Variants in KANSL1L observed in about 807,000 individuals in gnomAD.
KANSL1L encodes the protein KAT8 regulatory NSL complex subunit 1 like.
KANSL1L carries 25 observed loss-of-function variants against 108.6 expected under a neutral mutation model. The observed-to-expected ratio is 0.23, with a 90% confidence interval of 0.17 to 0.32. The LOEUF (loss-of-function observed/expected upper bound fraction) is 0.32, where lower values mean the gene tolerates loss of function less well. Among genes scored for constraint, KANSL1L ranks in the 10% least tolerant of loss-of-function variants. KANSL1L has a pLI of 1.00. For synonymous variants in KANSL1L, 405 were observed against 395.1 expected (o/e 1.03, Z -0.30); for missense variants, 1,137 against 1,125.7 (o/e 1.01, Z -0.14).
Position 210,163,784 on chromosome 2 carries a change from C to T in KANSL1L, c.-30+7365G>A, listed in dbSNP as rs186018701. Among the ~76,000 whole-genome samples, 13 of 152,158 alleles carry T rather than the reference C, an allele frequency of 8.5e-5. No individual in the cohort carries two copies. The East Asian group carries it at 9.6e-4, about 11-fold the overall frequency. Reference sequence around the variant, plus strand: ...ATTTAAAAATTTTTACTAGAAATTACTTCATCACATATTTTCCCCAAATAG... The same window carrying T: ...ATTTAAAAATTTTTACTAGAAATTATTTCATCACATATTTTCCCCAAATAG... On this transcript the variant is annotated intron_variant, in intron 1 of 14. Transcript: ENST00000281772.
At chr2:210,168,744 A>C (rs1230440754) in intron 1 of KANSL1L, among the ~76,000 whole-genome samples, 1 of 152,124 alleles carries the variant, frequency 6.6e-6, no homozygotes, top group African/African-American at 2.4e-5. Context: ...TGAATGAAAA[A>C]GTAGTAAAAG....
At chr2:210,092,051 A>G (rs1000237077) in intron 5 of KANSL1L, among the ~76,000 whole-genome samples, 2 of 152,192 alleles carry the variant, frequency 1.3e-5, no homozygotes, top group Non-Finnish European at 2.9e-5. Context: ...CTATGTTTCA[A>G]TTAAGATTAT....
chr2:210,096,862 T>C (rs1008236553), intron 5 of KANSL1L: 13 of 706,454 alleles, frequency 1.8e-5, no homozygotes, highest in African/African-American at 1.6e-4. Context: ...ATAAATAAAA[T>C]AGTAAAAGTA....
In KANSL1L at chr2:210,107,197, T is replaced by C. The variant is rs893341853; in HGVS notation, c.1231-2896A>G. 1.9e-4 allele frequency among the ~76,000 whole-genome samples: 29 copies of C among 152,134 alleles called. 3 individuals are homozygous for C. Among genetic ancestry groups the C allele is most frequent in the Admixed American group, 1.8e-3 (28 of 15,284 alleles). ...AACTGCCTCAGCAACATCTCTATTATTCACATAAATTCACTAAAGTTAATT... is the reference window on the plus strand; with the variant it reads ...AACTGCCTCAGCAACATCTCTATTACTCACATAAATTCACTAAAGTTAATT... On this transcript the variant is annotated intron_variant, in intron 3 of 14. Coordinates refer to ENST00000281772, the MANE Select transcript of KANSL1L (RefSeq NM_152519.4).
Position 210,022,732 on chromosome 2 carries a change from A to G in KANSL1L, c.*217T>C, listed in dbSNP as rs1235618990. ...GGTGTTTGTAAGTAAGTTGCATGAT[A>G]AACACAAATGACTACCACTTGTCTG... On this transcript the variant is annotated 3_prime_UTR_variant, in exon 15 of 15. Transcript: ENST00000281772. 2 of 518,980 alleles carry G rather than the reference A, an allele frequency of 3.9e-6. No homozygotes were observed. Among genetic ancestry groups the G allele is most frequent in the African/African-American group, 3.8e-5 (2 of 52,164 alleles). 32.1% of individuals were successfully genotyped at this position (518,980 alleles called of 1,614,324 possible).
At chr2:210,046,377 T>C (rs564108750) in intron 6 of KANSL1L, among the ~76,000 whole-genome samples, 105 of 152,066 alleles carry the variant, frequency 6.9e-4, no homozygotes, top group Non-Finnish European at 9.1e-4. Flanking sequence ...CTAAATATCA[T>C]CTAAATCAGA....
chr2:210,075,411 T>C (rs1018304970), intron 6 of KANSL1L, 141 bp downstream of exon 6: 5 of 624,932 alleles, frequency 8.0e-6, no homozygotes, highest in African/African-American at 5.5e-5. Flanking sequence ...TACTATATCA[T>C]TTTTAAACTA....
intron 3 of KANSL1L, among the ~76,000 whole-genome samples, chr2:210,126,058 T>C (rs1463312384): frequency 6.6e-6 from 1 of 152,174 alleles, no homozygotes; most frequent in Non-Finnish European, 1.5e-5. Flanking sequence ...GATGATATAA[T>C]CTTATATGTA....
rs151305134 is a variant in KANSL1L at position 210,127,299 on chromosome 2, C to T, written c.1230+1732G>A. Among the ~76,000 whole-genome samples, 23 of 152,150 alleles carry T rather than the reference C, an allele frequency of 1.5e-4. No homozygotes were observed. In the East Asian group the frequency reaches 3.3e-3, roughly 22 times the overall value. ...ACCACACACAAAAATTAACACAAAA[C>T]GGATCAAAGCTCTCAATGTAAAACC... On this transcript the variant is annotated intron_variant, in intron 3 of 14. Coordinates refer to ENST00000281772, the MANE Select transcript of KANSL1L (RefSeq NM_152519.4).
chr2:210,164,124 TGTC>T (rs1264480931), intron 1 of KANSL1L, among the ~76,000 whole-genome samples: 2 of 152,188 alleles, frequency 1.3e-5, no homozygotes, highest in South Asian at 2.1e-4. Context: ...TTAAATTTAA[TGTC>T]ATCATATATA....
intron 6 of KANSL1L, among the ~76,000 whole-genome samples, chr2:210,072,099 T>C (rs544631674): frequency 6.6e-6 from 1 of 152,206 alleles, no homozygotes; most frequent in South Asian, 2.1e-4. Flanking sequence ...GTCCCAATAA[T>C]TTTTTTTCCC....
intron 3 of KANSL1L, among the ~76,000 whole-genome samples, chr2:210,110,894 T>C (rs1453642470): frequency 6.6e-6 from 1 of 152,062 alleles, no homozygotes; most frequent in Non-Finnish European, 1.5e-5. Context: ...GGTGGATAGC[T>C]TGAGCCCAGG....
At chr2:210,157,235 A>C (rs2095338725) in intron 1 of KANSL1L, among the ~76,000 whole-genome samples, 1 of 152,174 alleles carries the variant, frequency 6.6e-6, no homozygotes, top group Admixed American at 6.5e-5. Flanking sequence ...CTCAAAAGAT[A>C]CTAAACTTTA....
intron 1 of KANSL1L, among the ~76,000 whole-genome samples, chr2:210,170,831 T>A (rs181308452): frequency 6.6e-6 from 1 of 151,258 alleles, no homozygotes; most frequent in Non-Finnish European, 1.5e-5. Context: ...AAAAGGGAGG[T>A]CTGCCAAGCC....
intron 5 of KANSL1L, chr2:210,096,935 TTTA>T (rs1294921635): frequency 3.6e-6 from 1 of 276,926 alleles, no homozygotes; most frequent in African/African-American, 2.3e-5. Flanking sequence ...CTTTTTATTT[TTTA>T]TTATTTATTT....
chr2:210,072,296 A>G (rs2094513224), intron 6 of KANSL1L, among the ~76,000 whole-genome samples: 3 of 152,172 alleles, frequency 2.0e-5, no homozygotes, highest in Non-Finnish European at 4.4e-5. Context: ...ATATTTACTC[A>G]TGATTAAATT....
Position 210,078,873 on chromosome 2 carries a change from T to C in KANSL1L, c.1551-3117A>G, listed in dbSNP as rs187585204. 2.2e-3 allele frequency among the ~76,000 whole-genome samples: 331 copies of C among 152,304 alleles called. 2 individuals carry two copies. The highest frequency in any genetic ancestry group is 2.7e-3 in the Non-Finnish European group (185 of 68,028). On this transcript the variant is annotated intron_variant, in intron 5 of 14. Transcript: ENST00000281772. ...TAATGATATCTGTAAGACAAGGATATCATTAATAAATCAATATAAGAAACC... is the reference window on the plus strand; with the variant it reads ...TAATGATATCTGTAAGACAAGGATACCATTAATAAATCAATATAAGAAACC...
chr2:210,130,111 G>A (rs778119583), intron 2 of KANSL1L, among the ~76,000 whole-genome samples: 1 of 152,080 alleles, frequency 6.6e-6, no homozygotes, highest in African/African-American at 2.4e-5. Context: ...AAAACCCGCT[G>A]ACTGTAGAAC....
In KANSL1L at chr2:210,154,583, G is replaced by T; in HGVS notation, c.-1C>A. ...TTGCCTCCCTCAGAGCTGGGGTCAT[G>T]GCGATTCCTGTAGATAAGTATTGGA... On this transcript the variant is annotated 5_prime_UTR_variant, in exon 2 of 15. Transcript: ENST00000281772. 6.7e-7 allele frequency: 1 copy of T among 1,483,198 alleles called. No homozygotes were observed. The highest frequency in any genetic ancestry group is 2.4e-5 in the Admixed American group (1 of 42,232). The allele number at this position is 1,483,198 out of a possible 1,614,324, so 91.9% of individuals were successfully genotyped here.
Sources: allele counts gnomAD v4.1 joint callset (sites outside exome capture counted in the v4.1 genomes callset), GRCh38; gene constraint gnomAD v4.1.1; transcripts MANE v1.5; gene names NCBI Gene and HGNC (gene_info 2026-07-23, HGNC 2026-07-21).